AREL1: variants seen among roughly 807,000 people sequenced by gnomAD.
AREL1 encodes apoptosis-resistant E3 ubiquitin protein ligase 1.
AREL1 carries 62 observed loss-of-function variants against 99.0 expected under a neutral mutation model. The observed-to-expected ratio is 0.63, with a 90% confidence interval of 0.51 to 0.77. The LOEUF (loss-of-function observed/expected upper bound fraction) is 0.77, where lower values mean the gene tolerates loss of function less well. Among genes scored for constraint, AREL1 ranks in the 30% least tolerant of loss-of-function variants. The pLI is 0.00. For missense variants in AREL1, 879 were observed against 1,027.6 expected, an observed-to-expected ratio of 0.86 and a Z score of 1.98; for synonymous variants, 380 against 376.5, an observed-to-expected ratio of 1.01 and a Z score of -0.11.
intron 1 of AREL1, among the ~76,000 whole-genome samples, chr14:74,707,663 G>A (rs1488531951): frequency 6.6e-6 from 1 of 151,226 alleles, no homozygotes; most frequent in Non-Finnish European, 1.5e-5. Flanking sequence ...GTGTGGTGGT[G>A]GGCGCCTGTA....
Position 74,662,273 on chromosome 14 carries a change from C to T in AREL1, c.*1447G>A. Reference sequence around the variant, plus strand: ...CGAACAGGAGGGCTCAGACATGCTTCCAGGAGGCCAAGGCATTGCCAAAGT... The same window carrying T: ...CGAACAGGAGGGCTCAGACATGCTTTCAGGAGGCCAAGGCATTGCCAAAGT... On this transcript the variant is annotated 3_prime_UTR_variant, in exon 20 of 20. Transcript: ENST00000356357. 1 of 279,368 alleles carries T rather than the reference C, an allele frequency of 3.6e-6. No individual in the cohort carries two copies. The highest frequency in any genetic ancestry group is 6.6e-6 in the Non-Finnish European group (1 of 150,486). The allele number at this position is 279,368 out of a possible 1,614,324, so 17.3% of individuals were successfully genotyped here. A position where few individuals can be genotyped will look rare whatever the true frequency, so the allele number is the denominator to read the frequency against.
At position 74,684,502 on chromosome 14, in the gene AREL1, A is replaced by G; in HGVS notation, c.195T>C (p.Asp65=). The G allele has an allele frequency of 6.2e-7, 1 of 1,614,144 alleles. No individual in the cohort carries two copies. The highest frequency in any genetic ancestry group is 1.3e-5 in the African/African-American group (1 of 75,032). Residue 65 remains aspartate, a synonymous_variant, in exon 4 of 20, where the codon GAT becomes GAC. Transcript: ENST00000356357. ...GGCCCACCTCATAGGGGTCCTTCCAATCCCAGGAGACTTTGCAAGACCGGG... is the reference window on the plus strand; with the variant it reads ...GGCCCACCTCATAGGGGTCCTTCCAGTCCCAGGAGACTTTGCAAGACCGGG... ...LDPRSCKVSW[D]WKDPYEVGHS...
In AREL1 at chr14:74,663,600, G is replaced by A; in HGVS notation, c.*120C>T. On this transcript the variant is annotated 3_prime_UTR_variant, in exon 20 of 20. Coordinates refer to ENST00000356357, the MANE Select transcript of AREL1 (RefSeq NM_001039479.2). ...GGTGACAAAATCCTCCAGACACAGG[G>A]GAGCATGCGGCATCTTCTGGCTGAT... 1.9e-6 allele frequency: 2 copies of A among 1,030,924 alleles called. No homozygotes were observed. Among genetic ancestry groups the A allele is most frequent in the Non-Finnish European group, 3.0e-6 (2 of 661,328 alleles). 63.9% of individuals were successfully genotyped at this position (1,030,924 alleles called of 1,614,324 possible). A position where few individuals can be genotyped will look rare whatever the true frequency, so the allele number is the denominator to read the frequency against.
intron 2 of AREL1, among the ~76,000 whole-genome samples, chr14:74,687,412 C>T (rs1223563230): frequency 6.6e-6 from 1 of 152,168 alleles, no homozygotes; most frequent in Non-Finnish European, 1.5e-5. Flanking sequence ...TTCAGAATCT[C>T]ATTGCTGTAA....
chr14:74,692,652 T>C (rs2089906446), intron 1 of AREL1, among the ~76,000 whole-genome samples: 1 of 152,232 alleles, frequency 6.6e-6, no homozygotes, highest in Admixed American at 6.5e-5. Context: ...TTTTTCATGA[T>C]TCAGCATAGA....
chr14:74,674,231 C>T (rs2089421466), intron 8 of AREL1, 120 bp from the exon 9 acceptor site: 1 of 772,230 alleles, frequency 1.3e-6, no homozygotes, highest in East Asian at 2.8e-5. Context: ...TCTCCATGGA[C>T]AAAAGTAATA....
intron 11 of AREL1, 35 bp from the exon 12 acceptor site, chr14:74,671,518 C>T (rs765191662): frequency 1.4e-6 from 2 of 1,445,700 alleles, no homozygotes; most frequent in Non-Finnish European, 1.9e-6. Flanking sequence ...ATTGTCAGAA[C>T]ACTGGCTGGT....
chr14:74,667,660 G>C (rs1289309185), intron 15 of AREL1, 66 bp from the exon 16 acceptor site: 1 of 1,523,150 alleles, frequency 6.6e-7, no homozygotes, highest in African/African-American at 1.4e-5. Flanking sequence ...GATGACATCT[G>C]CCTGGATGTT....
Position 74,684,523 on chromosome 14 carries a change from C to G in AREL1, c.174G>C (p.Arg58=), listed in dbSNP as rs748289816. The part of the protein sequence containing the change: ...DYVRGNYLDP[R]SCKVSWDWKD... ...TCCAATCCCAGGAGACTTTGCAAGA[C>G]CGGGGATCCAGGTAATTTCCCCGCA... Residue 58 remains arginine, a synonymous_variant, in exon 4 of 20, where the codon CGG becomes CGC. Transcript: ENST00000356357. 6 of 1,614,020 alleles carry G rather than the reference C, an allele frequency of 3.7e-6. No individual in the cohort carries two copies. The African/African-American group carries it at 6.7e-5, about 18-fold the overall frequency.
rs760874049 is a variant in AREL1 at position 74,676,648 on chromosome 14, C to A, written c.586G>T (p.Asp196Tyr). The change falls in exon 6 of 20, where the codon GAT becomes TAT. Residue 196 changes from aspartate (D) to tyrosine (Y), a missense_variant. Asp to Tyr is a radical substitution (Grantham distance 160). Transcript: ENST00000356357. ...TLQIVPRDEYDNPTNNSMSLR... is the reference protein window; with the variant it reads ...TLQIVPRDEYYNPTNNSMSLR... The stretch of plus-strand genomic sequence containing the variant: ...GACATGGAATTGTTGGTGGGATTAT[C>A]ATACTCATCTCGGGGTACTATTTGA... 1.2e-6 allele frequency: 2 copies of A among 1,614,032 alleles called. No homozygotes were observed. The highest frequency in any genetic ancestry group is 1.7e-6 in the Non-Finnish European group (2 of 1,179,992).
rs2089103909 is a variant in AREL1, at chr14:74,662,356, AAT to A, written c.*1362_*1363del. ...GGTTTTGGCAATAAAGATGGCTTGT[AAT>A]ATTCTCAGAGTTGACTGCCCCATTG... On this transcript the variant is annotated 3_prime_UTR_variant, in exon 20 of 20. Transcript: ENST00000356357. The A allele has an allele frequency of 2.6e-6, 1 of 382,004 alleles. No individual in the cohort carries two copies. Among genetic ancestry groups the A allele is most frequent in the Non-Finnish European group, 4.6e-6 (1 of 215,842 alleles). 23.7% of individuals were successfully genotyped at this position (382,004 alleles called of 1,614,324 possible).
At chr14:74,685,560 T>G (rs367612242) in intron 3 of AREL1, 40 bp downstream of exon 3, 13 of 1,612,326 alleles carry the variant, frequency 8.1e-6, no homozygotes, top group Non-Finnish European at 8.5e-7. Context: ...CAAGCAACCT[T>G]TACAAAAATA....
intron 1 of AREL1, 151 bp downstream of exon 1, chr14:74,712,782 C>T (rs965977868): frequency 4.5e-5 from 16 of 356,582 alleles, no homozygotes; most frequent in Non-Finnish European, 8.8e-5. Flanking sequence ...CACCGGATAC[C>T]CCAACGCTAC....
At chr14:74,676,035 A>C in intron 7 of AREL1, 89 bp from the exon 8 acceptor site, 22 of 1,549,582 alleles carry the variant, frequency 1.4e-5, no homozygotes, top group Non-Finnish European at 1.7e-5. Flanking sequence ...AGGACAAGCC[A>C]AATGTGGCCC....
rs745919811 is a variant in AREL1, at chr14:74,675,911, T to A, written c.868A>T (p.Thr290Ser). ...TCAAAGTAAATGCTCACGCCTGAAG[T>A]GGACACATTGCGTTCGACGATATTC... is the stretch of plus-strand genomic sequence containing the variant. Reference protein sequence around the residue: ...EKNIVERNVSTSGVSIYFEAY... With the variant: ...EKNIVERNVSSSGVSIYFEAY... The change falls in exon 8 of 20, where the codon ACT becomes TCT. Residue 290 changes from threonine to serine, a missense_variant. Physicochemically the swap from Thr to Ser is moderately conservative, Grantham distance 58. Transcript: ENST00000356357. 1.7e-5 allele frequency: 27 copies of A among 1,607,960 alleles called. No homozygotes were observed. Among genetic ancestry groups the A allele is most frequent in the Non-Finnish European group, 2.0e-5 (24 of 1,176,174 alleles).
chr14:74,703,600 C>T (rs1285056831), intron 1 of AREL1, among the ~76,000 whole-genome samples: 1 of 152,154 alleles, frequency 6.6e-6, no homozygotes, highest in African/African-American at 2.4e-5. Context: ...TGTAGTCCTT[C>T]GTGTGTAGCA....
intron 1 of AREL1, among the ~76,000 whole-genome samples, chr14:74,705,565 A>AGTTACC (rs1381680513): frequency 6.6e-6 from 1 of 152,190 alleles, no homozygotes; most frequent in Non-Finnish European, 1.5e-5. Flanking sequence ...ACAATAAACT[A>AGTTACC]GTTACCCTTC....
intron 1 of AREL1, among the ~76,000 whole-genome samples, chr14:74,705,992 AAAC>A (rs1468369893): frequency 7.9e-5 from 12 of 152,344 alleles, no homozygotes; most frequent in Admixed American, 3.9e-4. Flanking sequence ...ATGGGGAGAA[AAAC>A]AAAAGAGAAA....
intron 11 of AREL1, chr14:74,672,096 C>A: frequency 2.5e-6 from 1 of 398,144 alleles, no homozygotes; most frequent in African/African-American, 2.1e-5. Context: ...TTCCATCAGA[C>A]CAAAGTGACA....
Sources: allele counts gnomAD v4.1 joint callset (sites outside exome capture counted in the v4.1 genomes callset), GRCh38; gene constraint gnomAD v4.1.1; transcripts MANE v1.5; gene names NCBI Gene and HGNC (gene_info 2026-07-23, HGNC 2026-07-21).